VSX2: variants seen among roughly 807,000 people sequenced by gnomAD.
VSX2 encodes the protein ceh-10 homeo domain containing homolog.
In VSX2, 28 loss-of-function variants were observed where a neutral mutation model predicts 32.1. The observed-to-expected ratio is 0.87, with a 90% CI of 0.65 to 1.20. VSX2 has a LOEUF of 1.20. VSX2 is among the 50% of genes most tolerant of loss of function. The pLI, the probability that VSX2 is intolerant of heterozygous loss-of-function variation, is 0.00. For missense variants in VSX2, 506 were observed against 488.7 expected (o/e 1.04, Z -0.33); for synonymous variants, 243 against 214.1 (o/e 1.14, Z -1.18).
intron 3 of VSX2, among the ~76,000 whole-genome samples, chr14:74,248,360 AC>A (rs1323219774): frequency 9.8e-4 from 115 of 117,544 alleles, no homozygotes; most frequent in Middle Eastern, 5.2e-3. Context: ...AACAAAAAAA[AC>A]CAAAAACGAG....
intron 3 of VSX2, among the ~76,000 whole-genome samples, chr14:74,258,704 C>T (rs1281218584): frequency 6.6e-6 from 1 of 152,144 alleles, no homozygotes; most frequent in Non-Finnish European, 1.5e-5. Flanking sequence ...GAAATGTTCC[C>T]TCCTCAAACT....
rs146794598 is a variant in VSX2, at chr14:74,251,752, T to G, written c.579+6464T>G. Among the ~76,000 whole-genome samples, 529 of 152,302 alleles carry G rather than the reference T, an allele frequency of 3.5e-3. 1 individual carries two copies. The highest frequency in any genetic ancestry group is 0.012 in the African/African-American group (514 of 41,558). ...AGAGGCTGCAGCAAGACTCCACTTG[T>G]CTGAGCCTTAGGCTGGGCTGCACAG... On this transcript the variant is annotated intron_variant, in intron 3 of 4. Coordinates refer to ENST00000261980, the MANE Select transcript of VSX2 (RefSeq NM_182894.3).
chr14:74,252,770 AG>A (rs1343775198), intron 3 of VSX2, among the ~76,000 whole-genome samples: 1 of 151,268 alleles, frequency 6.6e-6, no homozygotes, highest in Non-Finnish European at 1.5e-5. Context: ...AGGCTTGTCC[AG>A]GGGTGGTGGC....
rs112779732 is a variant in VSX2 at position 74,240,062 on chromosome 14, G to T, written c.370+131G>T. 53 of 1,252,984 alleles carry T rather than the reference G, an allele frequency of 4.2e-5. No individual in the cohort carries two copies. In the African/African-American group the frequency reaches 5.8e-4, roughly 14 times the overall value. The allele number at this position is 1,252,984 out of a possible 1,614,324, so 77.6% of individuals were successfully genotyped here. A position where few individuals can be genotyped will look rare whatever the true frequency, so the allele number is the denominator to read the frequency against. On this transcript the variant is annotated intron_variant, in intron 1 of 4. Transcript: ENST00000261980. ...CTGCCAGGCCGGGGGTCGCCGCCTG[G>T]GCCTTGGGCCGACGCGCCTGGTGAT...
At position 74,245,304 on chromosome 14, in the gene VSX2, CCCT is replaced by C; in HGVS notation, c.579+18_579+20del. ...CAGGATACAGGTAACAGCCCTGAGC[CCCT>C]CTCCCCTCCACTCTCCCCTCTCTCG... is the stretch of plus-strand genomic sequence containing the variant. On this transcript the variant is annotated intron_variant, in intron 3 of 4. Transcript: ENST00000261980. 1 of 1,613,144 alleles carries C rather than the reference CCCT, an allele frequency of 6.2e-7. No individual in the cohort carries two copies. The highest frequency in any genetic ancestry group is 8.5e-7 in the Non-Finnish European group (1 of 1,179,674).
chr14:74,256,820 T>G (rs1467671050), intron 3 of VSX2, among the ~76,000 whole-genome samples: 1 of 151,742 alleles, frequency 6.6e-6, no homozygotes, highest in African/African-American at 2.4e-5. Flanking sequence ...ATTACAGGTG[T>G]GCGCCACCGT....
intron 3 of VSX2, among the ~76,000 whole-genome samples, chr14:74,257,400 G>A (rs2079270935): frequency 6.6e-6 from 1 of 152,256 alleles, no homozygotes; most frequent in Admixed American, 6.5e-5. Flanking sequence ...CCCGGAGGCA[G>A]CAAAAGTGCT....
rs1566884337 is a variant in VSX2, at chr14:74,244,905, T to TGAGAGAGAGAGAGAAAGAGAGAGAGAAA, written c.456-259_456-258insAGAGAGAGAGAGAAAGAGAGAGAGAAAG. On this transcript the variant is annotated intron_variant, in intron 2 of 4. Coordinates refer to ENST00000261980, the MANE Select transcript of VSX2 (RefSeq NM_182894.3). ...AAGTGTGTGTGTGTGTGTGTGTGTG[T>TGAGAGAGAGAGAGAAAGAGAGAGAGAAA]GTGTGTGTGTGTGTGTGTGTGTGTG... is the stretch of plus-strand genomic sequence containing the variant. 3.5e-4 allele frequency among the ~76,000 whole-genome samples: 37 copies of TGAGAGAGAGAGAGAAAGAGAGAGAGAAA among 104,228 alleles called. 1 individual carries two copies. Among genetic ancestry groups the TGAGAGAGAGAGAGAAAGAGAGAGAGAAA allele is most frequent in the African/African-American group, 1.1e-3 (30 of 27,820 alleles). 68.4% of individuals were successfully genotyped at this position (104,228 alleles called of 152,430 possible).
At chr14:74,249,246 G>A (rs931110195) in intron 3 of VSX2, among the ~76,000 whole-genome samples, 1 of 152,140 alleles carries the variant, frequency 6.6e-6, no homozygotes, top group African/African-American at 2.4e-5. Flanking sequence ...GATATTAAGT[G>A]CTTTCCATAC....
chr14:74,260,926 G>A lies in VSX2; in HGVS notation c.*7G>A. 1 of 1,553,560 alleles carries A rather than the reference G, an allele frequency of 6.4e-7. No homozygotes were observed. The highest frequency in any genetic ancestry group is 8.7e-7 in the Non-Finnish European group (1 of 1,149,360). Reference sequence around the variant, plus strand: ...GCTGGAGGACATGGCTTAGGTCAAGGCGCGCTCAGATGCCGGAGCCCCAAG... The same window carrying A: ...GCTGGAGGACATGGCTTAGGTCAAGACGCGCTCAGATGCCGGAGCCCCAAG... On this transcript the variant is annotated 3_prime_UTR_variant, in exon 5 of 5. Transcript: ENST00000261980.
chr14:74,244,901 T>A (rs1306605047), intron 2 of VSX2, among the ~76,000 whole-genome samples: 4 of 65,804 alleles, frequency 6.1e-5, no homozygotes, highest in Non-Finnish European at 1.5e-4. Flanking sequence ...TGTGTGTGTG[T>A]GTGTGTGTGT....
chr14:74,249,498 G>T (rs1272996123), intron 3 of VSX2, among the ~76,000 whole-genome samples: 1 of 152,156 alleles, frequency 6.6e-6, no homozygotes, highest in Non-Finnish European at 1.5e-5. Flanking sequence ...TCGAACTCCT[G>T]ACCTCAAATG....
intron 3 of VSX2, among the ~76,000 whole-genome samples, chr14:74,256,601 G>A (rs149233094): frequency 1.9e-3 from 284 of 151,948 alleles, no homozygotes; most frequent in Middle Eastern, 0.014. Context: ...TTGGTGTCTG[G>A]AATTCCATCA....
chr14:74,243,366 A>T (rs2079163688), intron 2 of VSX2, among the ~76,000 whole-genome samples: 1 of 152,190 alleles, frequency 6.6e-6, no homozygotes, highest in Non-Finnish European at 1.5e-5. Context: ...TAAACCAGGA[A>T]CACAGGCTGG....
chr14:74,249,604 A>C (rs773699952), intron 3 of VSX2, among the ~76,000 whole-genome samples: 1 of 152,186 alleles, frequency 6.6e-6, no homozygotes, highest in African/African-American at 2.4e-5. Context: ...CAGACAAATT[A>C]GTTAGCTGTC....
intron 3 of VSX2, among the ~76,000 whole-genome samples, chr14:74,256,396 A>T (rs943052171): frequency 6.6e-6 from 1 of 152,132 alleles, no homozygotes; most frequent in Admixed American, 6.5e-5. Context: ...ACACCACTGC[A>T]CTCCAGCCTG....
chr14:74,240,292 C>G (rs996769052), intron 1 of VSX2, among the ~76,000 whole-genome samples: 1 of 152,198 alleles, frequency 6.6e-6, no homozygotes, highest in African/African-American at 2.4e-5. Flanking sequence ...TGCTCCACTG[C>G]GGCCCCGGCC....
At chr14:74,250,973 G>T (rs2079224520) in intron 3 of VSX2, among the ~76,000 whole-genome samples, 1 of 151,522 alleles carries the variant, frequency 6.6e-6, no homozygotes, top group African/African-American at 2.4e-5. Context: ...AAATGCCCAT[G>T]CGCTCCCCCG....
intron 2 of VSX2, among the ~76,000 whole-genome samples, chr14:74,241,701 C>T (rs988036509): frequency 6.6e-6 from 1 of 152,260 alleles, no homozygotes. Context: ...GGGTCCCTGT[C>T]CTCTCTGCCA....
Sources: gnomAD v4.1 joint callset for allele counts (sites outside exome capture counted in the v4.1 genomes callset) on GRCh38, gnomAD v4.1.1 for gene constraint, MANE v1.5 for transcripts, NCBI Gene and HGNC (gene_info 2026-07-23, HGNC 2026-07-21) for gene names.